IQCM: variants seen among roughly 807,000 people sequenced by gnomAD.
IQCM encodes the protein IQ domain-containing protein M.
IQCM carries 45 observed loss-of-function variants against 57.6 expected under a neutral mutation model. The observed-to-expected ratio is 0.78, with a 90% CI of 0.62 to 1.00. The LOEUF (loss-of-function observed/expected upper bound fraction) is 1.00, where lower values mean the gene tolerates loss of function less well. Ranked by LOEUF, IQCM falls within the 50% of genes least tolerant of loss-of-function variation. The probability of loss-of-function intolerance (pLI) is 0.00; values close to 1 mark genes in which losing one functional copy is unlikely to be tolerated. For synonymous variants in IQCM, 148 were observed against 158.9 expected, an observed-to-expected ratio of 0.93 and a Z score of 0.51; for missense variants, 468 against 511.6, an observed-to-expected ratio of 0.91 and a Z score of 0.82.
intron 7 of IQCM, among the ~76,000 whole-genome samples, chr4:149,657,010 A>C (rs1033424015): frequency 1.3e-5 from 2 of 152,152 alleles, no homozygotes; most frequent in African/African-American, 4.8e-5. Flanking sequence ...TATGGCATAC[A>C]AGAACATTCA....
At chr4:149,433,274 G>A (rs760004205) in intron 13 of IQCM, 122 bp downstream of exon 13, 3 of 470,342 alleles carry the variant, frequency 6.4e-6, no homozygotes, top group Middle Eastern at 5.9e-4. Context: ...AAGAAGTAAA[G>A]AGAACATTCT....
At chr4:149,548,863 AACCATGTC>A (rs1201052954) in intron 11 of IQCM, among the ~76,000 whole-genome samples, 4 of 152,198 alleles carry the variant, frequency 2.6e-5, no homozygotes, top group African/African-American at 9.6e-5. Context: ...ATGTCAACTC[AACCATGTC>A]ATAAGACATA....
chr4:149,777,480 G>A (rs1032192415), intron 2 of IQCM, among the ~76,000 whole-genome samples: 1 of 152,092 alleles, frequency 6.6e-6, no homozygotes, highest in Non-Finnish European at 1.5e-5. Context: ...TGAGAAACAA[G>A]TTTATTTATC....
At chr4:149,624,625 G>A (rs528090187) in intron 7 of IQCM, among the ~76,000 whole-genome samples, 1 of 152,274 alleles carries the variant, frequency 6.6e-6, no homozygotes, top group Non-Finnish European at 1.5e-5. Context: ...AAGTTCTTAG[G>A]TAGTTAAAAC....
At chr4:149,583,748 C>A (rs1245162891) in intron 9 of IQCM, among the ~76,000 whole-genome samples, 6 of 151,450 alleles carry the variant, frequency 4.0e-5, no homozygotes, top group African/African-American at 1.5e-4. Flanking sequence ...CATGTCATCA[C>A]AATAGTACAA....
intron 12 of IQCM, among the ~76,000 whole-genome samples, chr4:149,481,696 G>GTTTTGTTTTTTTTTTTGTT (rs1740801958): frequency 1.5e-4 from 5 of 33,614 alleles, no homozygotes; most frequent in East Asian, 1.8e-3. Context: ...GATTCTTCCA[G>GTTTTGTTTTTTTTTTTGTT]TTTTGTTTTT....
chr4:149,526,917 AAAT>A (rs1746218514), intron 12 of IQCM, among the ~76,000 whole-genome samples: 1 of 152,110 alleles, frequency 6.6e-6, no homozygotes, highest in Admixed American at 6.5e-5. Context: ...AAAAATTTTT[AAAT>A]AATATATTCC....
intron 8 of IQCM, among the ~76,000 whole-genome samples, chr4:149,597,098 A>T (rs1462952521): frequency 1.3e-5 from 2 of 152,116 alleles, no homozygotes; most frequent in Non-Finnish European, 2.9e-5. Flanking sequence ...AAAAAAAATT[A>T]TCAAAATTGA....
At chr4:149,433,350 G>A (rs1735046484) in intron 13 of IQCM, 46 bp downstream of exon 13, 2 of 793,502 alleles carry the variant, frequency 2.5e-6, no homozygotes, top group Non-Finnish European at 1.7e-6. Context: ...AATATTATAA[G>A]GTATCACTTC....
intron 5 of IQCM, among the ~76,000 whole-genome samples, chr4:149,715,394 C>T (rs1007220124): frequency 6.6e-6 from 1 of 152,226 alleles, no homozygotes; most frequent in African/African-American, 2.4e-5. Context: ...ATACTGCAAG[C>T]AGCTTCCACT....
In IQCM at chr4:149,718,197, T is replaced by C. The variant is rs542153180; in HGVS notation, c.385+15047A>G. On this transcript the variant is annotated intron_variant, in intron 5 of 13. Coordinates refer to ENST00000636793, the MANE Select transcript of IQCM (RefSeq NM_001363507.2). ...ACTTCCACCATAATAAAATAAACAT[T>C]TGATCTTCATTTGCTCCATTCCTGT... is the stretch of plus-strand genomic sequence containing the variant. Among the ~76,000 whole-genome samples, 4 of 152,298 alleles carry C rather than the reference T, an allele frequency of 2.6e-5. No homozygotes were observed. The South Asian group carries it at 8.3e-4, about 32-fold the overall frequency.
intron 2 of IQCM, among the ~76,000 whole-genome samples, chr4:149,797,834 A>T (rs1773252158): frequency 6.6e-6 from 1 of 151,988 alleles, no homozygotes; most frequent in South Asian, 2.1e-4. Flanking sequence ...ATACTATGAT[A>T]AAAAATATCC....
chr4:149,737,428 G>A (rs1356135422), intron 3 of IQCM, among the ~76,000 whole-genome samples: 3 of 152,206 alleles, frequency 2.0e-5, no homozygotes, highest in Non-Finnish European at 4.4e-5. Flanking sequence ...ATCAAGTACA[G>A]TAAAATATTA....
chr4:149,451,788 T>C (rs894652938), intron 12 of IQCM, among the ~76,000 whole-genome samples: 1 of 151,796 alleles, frequency 6.6e-6, no homozygotes, highest in African/African-American at 2.4e-5. Context: ...ACATCATATG[T>C]AATGGTGAAA....
At chr4:149,383,215 C>T (rs962365559) in intron 13 of IQCM, among the ~76,000 whole-genome samples, 1 of 152,068 alleles carries the variant, frequency 6.6e-6, no homozygotes, top group East Asian at 1.9e-4. Context: ...TATGTAGACA[C>T]TTTAAATAAT....
At chr4:149,708,254 T>A (rs1048916582) in intron 5 of IQCM, among the ~76,000 whole-genome samples, 5 of 152,010 alleles carry the variant, frequency 3.3e-5, no homozygotes, top group African/African-American at 9.7e-5. Flanking sequence ...AGCACCAAAA[T>A]ATAAAATATA....
chr4:149,638,679 T>C (rs958536324), intron 7 of IQCM, among the ~76,000 whole-genome samples: 8 of 152,198 alleles, frequency 5.3e-5, no homozygotes, highest in Admixed American at 2.0e-4. Flanking sequence ...ATATATCAGC[T>C]ATTGACTAAT....
At position 149,560,505 on chromosome 4, in the gene IQCM, C is replaced by A. The variant is rs143570148; in HGVS notation, c.948+3187G>T. On this transcript the variant is annotated intron_variant, in intron 10 of 13. Transcript: ENST00000636793. ...AAGTAAGAGCCTAGAAGCATTACAT[C>A]GAGGGACATACCCTGTTTTGTGTCT... 3.1e-4 allele frequency among the ~76,000 whole-genome samples: 47 copies of A among 152,118 alleles called. No individual in the cohort carries two copies. In the East Asian group the frequency reaches 8.3e-3, roughly 27 times the overall value.
rs1731005873 is a variant in IQCM at position 149,380,552 on chromosome 4, T to C, written c.1391-28486A>G. ...TATGCTTAGATCAGGGAGGAGATAC[T>C]AAACACAAACTGGCCAGATTCTCTT... On this transcript the variant is annotated intron_variant, in intron 13 of 13. Transcript: ENST00000636793. Among the ~76,000 whole-genome samples, 4 of 152,246 alleles carry C rather than the reference T, an allele frequency of 2.6e-5. No individual in the cohort carries two copies. The South Asian group carries it at 8.3e-4, about 32-fold the overall frequency.
Sources: allele counts gnomAD v4.1 joint callset (sites outside exome capture counted in the v4.1 genomes callset), GRCh38; gene constraint gnomAD v4.1.1; transcripts MANE v1.5; gene names NCBI Gene and HGNC (gene_info 2026-07-23, HGNC 2026-07-21).